TENM2: variants seen among roughly 807,000 people sequenced by gnomAD.
TENM2 encodes the protein teneurin transmembrane protein 2.
Under a neutral mutation model 245.2 loss-of-function variants are expected in TENM2, and 52 were observed. The ratio of observed to expected loss-of-function variants is 0.21; its 90% CI spans 0.17 to 0.27. The LOEUF is 0.27. TENM2 is among the 10% of genes least tolerant of loss of function. TENM2 has a pLI of 1.00. For synonymous variants in TENM2, 1,363 were observed against 1,438.9 expected (o/e 0.95, Z 1.19); for missense variants, 3,046 against 3,666.8 (o/e 0.83, Z 4.37).
At chr5:168,155,813 A>G (rs1237238595) in intron 12 of TENM2, among the ~76,000 whole-genome samples, 5 of 149,218 alleles carry the variant, frequency 3.4e-5, no homozygotes, top group Non-Finnish European at 7.4e-5. Flanking sequence ...TAGTGCCACT[A>G]TCTACTGAGC....
intron 3 of TENM2, among the ~76,000 whole-genome samples, chr5:167,892,865 G>A (rs1322275666): frequency 1.3e-5 from 2 of 152,022 alleles, no homozygotes; most frequent in South Asian, 4.1e-4. Flanking sequence ...GATAATGTGT[G>A]GAAAAAAATA....
chr5:167,502,677 A>G (rs921298971), intron 2 of TENM2, among the ~76,000 whole-genome samples: 2 of 152,184 alleles, frequency 1.3e-5, no homozygotes, highest in South Asian at 4.1e-4. Flanking sequence ...ATCAGGTTAG[A>G]AAGACATACT....
chr5:167,827,887 C>T (rs1040258989), intron 2 of TENM2, among the ~76,000 whole-genome samples: 46 of 152,228 alleles, frequency 3.0e-4, no homozygotes, highest in African/African-American at 1.1e-3. Context: ...CCTGCTGTGC[C>T]CTGTAGGATC....
chr5:167,596,694 G>A (rs573612599), intron 2 of TENM2, among the ~76,000 whole-genome samples: 130 of 151,808 alleles, frequency 8.6e-4, no homozygotes, highest in South Asian at 1.5e-3. Flanking sequence ...TACTCGGGAG[G>A]CTGAGGCAGG....
the TENM2 span, among the ~76,000 whole-genome samples, chr5:167,123,883 C>T: frequency 2.0e-5 from 3 of 152,212 alleles, no homozygotes; most frequent in Admixed American, 1.3e-4. Flanking sequence ...GCACTTTTAA[C>T]ATTGGCAATA....
chr5:167,036,730 G>C, the TENM2 span, among the ~76,000 whole-genome samples: 51 of 152,254 alleles, frequency 3.3e-4, no homozygotes, highest in Middle Eastern at 6.8e-3. Flanking sequence ...CTGTGGCACT[G>C]AATCTGGGAT....
chr5:167,945,960 A>G (rs1779588330), intron 3 of TENM2, among the ~76,000 whole-genome samples: 1 of 152,094 alleles, frequency 6.6e-6, no homozygotes, highest in African/African-American at 2.4e-5. Context: ...CCACTCTGAA[A>G]TGTGGAAAAG....
At chr5:167,278,250 G>A in the TENM2 span, among the ~76,000 whole-genome samples, 8 of 152,270 alleles carry the variant, frequency 5.3e-5, no homozygotes, top group South Asian at 1.0e-3. Context: ...GCTTCAGTGA[G>A]TTGTGATTGT....
At chr5:167,287,357 G>A (rs1159554858) in intron 1 of TENM2, 1 of 152,106 alleles carries the variant, frequency 6.6e-6, no homozygotes, top group East Asian at 1.9e-4. Context: ...TCTTATTCAT[G>A]AAATCAAAGA....
At chr5:167,556,421 C>CAT (rs4044320) in intron 2 of TENM2, among the ~76,000 whole-genome samples, 15,210 of 146,408 alleles carry the variant, frequency 0.1, 1,060 homozygotes, top group South Asian at 0.23. Context: ...TGTATACTTA[C>CAT]ATATATATAT....
chr5:167,614,147 C>T (rs1777639661), intron 2 of TENM2, among the ~76,000 whole-genome samples: 1 of 152,154 alleles, frequency 6.6e-6, no homozygotes, highest in Non-Finnish European at 1.5e-5. Flanking sequence ...CGCTACTCAA[C>T]TGATTATACC....
the TENM2 span, among the ~76,000 whole-genome samples, chr5:167,208,369 A>T: frequency 2.0e-5 from 3 of 152,234 alleles, no homozygotes; most frequent in East Asian, 3.8e-4. Flanking sequence ...ACCCTTTAGA[A>T]GCATAGAGTG....
At chr5:167,973,337 C>A (rs1781940227) in intron 4 of TENM2, among the ~76,000 whole-genome samples, 1 of 152,084 alleles carries the variant, frequency 6.6e-6, no homozygotes, top group Non-Finnish European at 1.5e-5. Flanking sequence ...TTGTATTTCC[C>A]ACCTCCTGTT....
chr5:168,180,067 G>C, intron 13 of TENM2, among the ~76,000 whole-genome samples: 1 of 152,112 alleles, frequency 6.6e-6, no homozygotes, highest in Non-Finnish European at 1.5e-5. Flanking sequence ...GTTTGTGTTG[G>C]GCCTGATCAC....
chr5:167,859,834 G>A (rs1771550607), intron 2 of TENM2, among the ~76,000 whole-genome samples: 2 of 53,034 alleles, frequency 3.8e-5, no homozygotes, highest in African/African-American at 8.8e-5. Context: ...GGTGAGGGGC[G>A]CCTCTGCCCG....
the TENM2 span, among the ~76,000 whole-genome samples, chr5:167,191,471 T>C: frequency 6.6e-6 from 1 of 152,032 alleles, no homozygotes; most frequent in African/African-American, 2.4e-5. Context: ...CTAAGATCTC[T>C]AACCCCTTGT....
intron 1 of TENM2, among the ~76,000 whole-genome samples, chr5:167,304,801 A>T (rs189251646): frequency 8.1e-4 from 124 of 152,260 alleles, no homozygotes; most frequent in Admixed American, 8.5e-4. Context: ...TTCTAAACAC[A>T]TGCTTAGCAA....
intron 3 of TENM2, among the ~76,000 whole-genome samples, chr5:167,929,101 G>GAAAGAAAAGA (rs1450239572): frequency 6.7e-5 from 7 of 104,936 alleles, no homozygotes; most frequent in African/African-American, 2.3e-4. Flanking sequence ...AAGAAAGAAA[G>GAAAGAAAAGA]AAAGAAAGAA....
intron 2 of TENM2, among the ~76,000 whole-genome samples, chr5:167,544,603 T>A (rs1772432152): frequency 6.6e-6 from 1 of 152,202 alleles, no homozygotes; most frequent in African/African-American, 2.4e-5. Context: ...GTAGAGTTTT[T>A]GTCTAGCTAT....
Sources: allele counts gnomAD v4.1 joint callset (sites outside exome capture counted in the v4.1 genomes callset), GRCh38; gene constraint gnomAD v4.1.1; transcripts MANE v1.5; gene names NCBI Gene and HGNC (gene_info 2026-07-23, HGNC 2026-07-21).